The following MYO9A variants were observed in gnomAD, a reference collection of about 807,000 sequenced individuals.
MYO9A encodes the protein unconventional myosin-IXa.
Under a neutral mutation model 293.3 loss-of-function variants are expected in MYO9A, and 103 were observed. The ratio of observed to expected loss-of-function variants is 0.35; its 90% CI spans 0.30 to 0.41. The LOEUF (loss-of-function observed/expected upper bound fraction) is 0.41. Among genes scored for constraint, MYO9A ranks in the 10% least tolerant of loss-of-function variants. The pLI, the probability that MYO9A is intolerant of heterozygous loss-of-function variation, is 1.00. For missense variants in MYO9A, 2,685 were observed against 3,033.0 expected (o/e 0.89, Z 2.69); for synonymous variants, 1,001 against 1,035.7 (o/e 0.97, Z 0.64).
intron 26 of MYO9A, chr15:71,888,380 CA>C (rs1257834764): frequency 4.7e-6 from 1 of 214,322 alleles, no homozygotes. Context: ...AGTGGAAAGG[CA>C]AGAAAGTGAA....
chr15:71,856,248 T>G (rs1017733399), intron 34 of MYO9A, among the ~76,000 whole-genome samples: 1 of 151,230 alleles, frequency 6.6e-6, no homozygotes, highest in Non-Finnish European at 1.5e-5. Flanking sequence ...GAGGCAGAGG[T>G]TGCAGTGAGC....
Position 71,850,058 on chromosome 15 carries a change from G to T in MYO9A, c.6691C>A (p.Gln2231Lys). ...TACGTGGTAGTCTTACTGATGTCCT[G>T]TACACTTTGTAGTGGGTCAGTGGTG... The part of the protein sequence containing the change: ...PDTTDPLQSV[Q>K]DISKTTTCVE... The change falls in exon 38 of 42, where the codon CAG (glutamine) becomes AAG (lysine). Residue 2231 changes from glutamine (Q) to lysine (K), a missense_variant. By Grantham distance (53) the Gln-to-Lys change is moderately conservative. Transcript: ENST00000356056. 1 of 1,614,002 alleles carries T rather than the reference G, an allele frequency of 6.2e-7. No individual in the cohort carries two copies. Among genetic ancestry groups the T allele is most frequent in the Non-Finnish European group, 8.5e-7 (1 of 1,179,906 alleles).
At chr15:72,056,982 C>G (rs936526268) in intron 1 of MYO9A, among the ~76,000 whole-genome samples, 1 of 152,120 alleles carries the variant, frequency 6.6e-6, no homozygotes, top group African/African-American at 2.4e-5. Context: ...TGGTGGGTGC[C>G]TATAATCCCA....
chr15:71,864,976 G>C (rs1011767314), intron 32 of MYO9A, among the ~76,000 whole-genome samples: 1 of 152,056 alleles, frequency 6.6e-6, no homozygotes, highest in Non-Finnish European at 1.5e-5. Context: ...CCAGAAAGCT[G>C]GTTTACAATA....
intron 6 of MYO9A, among the ~76,000 whole-genome samples, chr15:72,014,802 A>G (rs951893024): frequency 2.0e-5 from 3 of 151,828 alleles, no homozygotes; most frequent in African/African-American, 7.2e-5. Flanking sequence ...GGAAGGAAAC[A>G]AAGAAAGAAA....
chr15:71,892,999 C>T, intron 26 of MYO9A: 1 of 1,287,064 alleles, frequency 7.8e-7, no homozygotes, highest in Non-Finnish European at 1.0e-6. Context: ...CTGACCCAGG[C>T]TGGGTGCAGG....
At chr15:72,039,052 T>TA (rs1166341444) in intron 2 of MYO9A, among the ~76,000 whole-genome samples, 2 of 152,148 alleles carry the variant, frequency 1.3e-5, no homozygotes, top group Non-Finnish European at 2.9e-5. Context: ...GTTAGATAGA[T>TA]ACAATGTGCA....
At chr15:72,019,867 G>A (rs771354035) in intron 5 of MYO9A, among the ~76,000 whole-genome samples, 6 of 151,826 alleles carry the variant, frequency 4.0e-5, no homozygotes, top group Non-Finnish European at 7.4e-5. Context: ...CTCGTGCCTC[G>A]GCCTCCCAAG....
intron 1 of MYO9A, among the ~76,000 whole-genome samples, chr15:72,050,649 T>A (rs1033286182): frequency 6.6e-5 from 9 of 136,932 alleles, no homozygotes; most frequent in African/African-American, 1.8e-4. Context: ...CAAACAAAAT[T>A]TTTTTTTAAA....
chr15:71,958,174 T>G (rs1400061178), intron 14 of MYO9A, among the ~76,000 whole-genome samples: 1 of 152,202 alleles, frequency 6.6e-6, no homozygotes, highest in East Asian at 1.9e-4. Context: ...CACCTCACCT[T>G]TTCTGCCTTT....
intron 15 of MYO9A, among the ~76,000 whole-genome samples, chr15:71,940,559 A>AAG (rs1286156035): frequency 1.3e-5 from 2 of 152,088 alleles, no homozygotes; most frequent in Non-Finnish European, 2.9e-5. Flanking sequence ...GAAATTTTTA[A>AAG]AAGTATAAAA....
chr15:71,985,969 A>T (rs2076397878), intron 11 of MYO9A, among the ~76,000 whole-genome samples: 1 of 152,222 alleles, frequency 6.6e-6, no homozygotes, highest in South Asian at 2.1e-4. Flanking sequence ...CAATTTACTG[A>T]TGAATCAATC....
chr15:72,030,113 C>T (rs1481579530), intron 3 of MYO9A, among the ~76,000 whole-genome samples: 1 of 152,194 alleles, frequency 6.6e-6, no homozygotes, highest in East Asian at 1.9e-4. Context: ...TCCATTGCCA[C>T]TACCACCACC....
At chr15:71,889,776 C>T (rs1401290709) in intron 26 of MYO9A, 1 of 152,114 alleles carries the variant, frequency 6.6e-6, no homozygotes, top group East Asian at 1.9e-4. Flanking sequence ...TATCCAGGAA[C>T]TACACCACAA....
At chr15:72,083,165 G>A (rs564789747) in intron 1 of MYO9A, among the ~76,000 whole-genome samples, 40 of 152,044 alleles carry the variant, frequency 2.6e-4, no homozygotes, top group African/African-American at 9.2e-4. Flanking sequence ...TTTTTTGCTC[G>A]ATGGGCTATT....
intron 14 of MYO9A, among the ~76,000 whole-genome samples, chr15:71,952,793 T>A (rs1284353876): frequency 6.6e-6 from 1 of 152,210 alleles, no homozygotes; most frequent in Non-Finnish European, 1.5e-5. Context: ...TAAAGTTCTA[T>A]TACTGCATTT....
At chr15:72,031,612 G>A (rs2077873881) in intron 3 of MYO9A, among the ~76,000 whole-genome samples, 1 of 152,134 alleles carries the variant, frequency 6.6e-6, no homozygotes, top group South Asian at 2.1e-4. Flanking sequence ...AACTGAAGCT[G>A]CATAAACTGA....
At chr15:71,867,811 C>T (rs1032168432) in intron 32 of MYO9A, among the ~76,000 whole-genome samples, 342 of 135,584 alleles carry the variant, frequency 2.5e-3, no homozygotes, top group Admixed American at 3.8e-3. Context: ...CACACACACA[C>T]ACACACACAC....
intron 1 of MYO9A, among the ~76,000 whole-genome samples, chr15:72,056,091 G>A (rs1007660755): frequency 6.6e-6 from 1 of 152,112 alleles, no homozygotes; most frequent in African/African-American, 2.4e-5. Flanking sequence ...AGCTGGGCAT[G>A]GTGGCACGGG....
Sources: allele counts gnomAD v4.1 joint callset (sites outside exome capture counted in the v4.1 genomes callset), GRCh38; gene constraint gnomAD v4.1.1; transcripts MANE v1.5; gene names NCBI Gene and HGNC (gene_info 2026-07-23, HGNC 2026-07-21).